Variants in NCAN observed in about 807,000 individuals in gnomAD.
NCAN encodes neurocan core protein.
Under a neutral mutation model 121.8 loss-of-function variants are expected in NCAN, and 47 were observed. The ratio of observed to expected loss-of-function variants is 0.39; its 90% CI spans 0.31 to 0.49. The LOEUF is 0.49. NCAN is among the 20% of genes least tolerant of loss of function. The pLI is 0.92. For synonymous variants in NCAN, 633 were observed against 702.0 expected, an observed-to-expected ratio of 0.90 and a Z score of 1.55; for missense variants, 1,517 against 1,773.4, an observed-to-expected ratio of 0.86 and a Z score of 2.60.
chr19:19,249,637 G>A lies in NCAN; in HGVS notation c.3821-129G>A, dbSNP rs1017777718. Reference sequence around the variant, plus strand: ...CCACTTTGGCCTCCCAAAGTGCTGGGATGACAGGGATGAGCCCTCGCGTCT... The same window carrying A: ...CCACTTTGGCCTCCCAAAGTGCTGGAATGACAGGGATGAGCCCTCGCGTCT... On this transcript the variant is annotated intron_variant, in intron 14 of 14. Coordinates refer to ENST00000252575, the MANE Select transcript of NCAN (RefSeq NM_004386.3). 6.4e-6 allele frequency: 9 copies of A among 1,396,776 alleles called. No individual in the cohort carries two copies. In the African/African-American group the frequency reaches 1.0e-4, roughly 16 times the overall value. The allele number at this position is 1,396,776 out of a possible 1,614,324, so 86.5% of individuals were successfully genotyped here.
chr19:19,241,325 G>A (rs956428512), intron 12 of NCAN, among the ~76,000 whole-genome samples: 1 of 151,986 alleles, frequency 6.6e-6, no homozygotes, highest in Non-Finnish European at 1.5e-5. Context: ...CACTTTGGGA[G>A]ACTGAGTGAG....
chr19:19,238,635 T>C, intron 11 of NCAN: 3 of 585,638 alleles, frequency 5.1e-6, no homozygotes, highest in Non-Finnish European at 9.2e-6. Context: ...AAATATTTAC[T>C]GAGCACCTGC....
rs1052940844 is a variant in NCAN, at chr19:19,212,290, G to A, written c.-8+226G>A. ...GGAGGAAGGTTGTCCGCGGAATCCG[G>A]AGACTACCCCCCGGTGGGGAGGGGG... is the stretch of plus-strand genomic sequence containing the variant. On this transcript the variant is annotated intron_variant, in intron 1 of 14. Coordinates refer to ENST00000252575, the MANE Select transcript of NCAN (RefSeq NM_004386.3). This position sits in a 1 kb window ranked among gnomAD's most constrained non-coding sequence, Gnocchi z 4.5. Among the ~76,000 whole-genome samples, 2 of 151,618 alleles carry A rather than the reference G, an allele frequency of 1.3e-5. No homozygotes were observed. Among genetic ancestry groups the A allele is most frequent in the Non-Finnish European group, 2.9e-5 (2 of 67,820 alleles).
chr19:19,231,901 C>A lies in NCAN; in HGVS notation c.3020-1888C>A, dbSNP rs937568179. ...GTGCTGAGGTGGGAGGACCGCTTGA[C>A]CCTGGGAGGTTGCAGCTGCAGTGAG... On this transcript the variant is annotated intron_variant, in intron 8 of 14. Coordinates refer to ENST00000252575, the MANE Select transcript of NCAN (RefSeq NM_004386.3). Among the ~76,000 whole-genome samples, 14 of 151,934 alleles carry A rather than the reference C, an allele frequency of 9.2e-5. No homozygotes were observed. The East Asian group carries it at 2.2e-3, about 23-fold the overall frequency.
intron 8 of NCAN, among the ~76,000 whole-genome samples, 154 bp from the exon 9 acceptor site, chr19:19,233,635 G>C (rs2060869794): frequency 6.6e-6 from 1 of 152,194 alleles, no homozygotes; most frequent in African/African-American, 2.4e-5. Context: ...GGGGTCATAT[G>C]GGAGGGAGTT....
chr19:19,213,559 C>T (rs985781316), intron 1 of NCAN, among the ~76,000 whole-genome samples: 6 of 151,110 alleles, frequency 4.0e-5, no homozygotes, highest in African/African-American at 9.8e-5. Flanking sequence ...GAAGACACGC[C>T]GCCTGTCTTG....
chr19:19,230,715 C>CTTT (rs5827437), intron 8 of NCAN, among the ~76,000 whole-genome samples: 1 of 127,800 alleles, frequency 7.8e-6, no homozygotes, highest in Non-Finnish European at 1.6e-5. Context: ...GGGGTGGGAT[C>CTTT]TTTTTTTTTT....
Position 19,240,619 on chromosome 19 carries a change from C to T in NCAN, c.3426C>T (p.Asn1142=), listed in dbSNP as rs1212643156. Residue 1142 remains asparagine, a synonymous_variant, in exon 12 of 15, where the codon AAC becomes AAT. Coordinates refer to ENST00000252575, the MANE Select transcript of NCAN (RefSeq NM_004386.3). ...HSFINSFGHE[N]TWIGLNDRIV... is the part of the protein sequence containing the mutation. The stretch of plus-strand genomic sequence containing the variant: ...ACCCTGCAGGCTTTGGGCATGAAAA[C>T]ACGTGGATCGGCCTGAACGACAGGA... 1.9e-6 allele frequency: 3 copies of T among 1,614,100 alleles called. No individual in the cohort carries two copies. Among genetic ancestry groups the T allele is most frequent in the Middle Eastern group, 1.6e-4 (1 of 6,062 alleles).
At chr19:19,230,224 T>C (rs2146545778) in intron 8 of NCAN, among the ~76,000 whole-genome samples, 2 of 152,030 alleles carry the variant, frequency 1.3e-5, no homozygotes, top group Admixed American at 1.3e-4. Context: ...TTTGTATTTT[T>C]AGTAGAGACA....
At position 19,227,372 on chromosome 19, in the gene NCAN, C is replaced by G. The variant is rs201511416; in HGVS notation, c.1752C>G (p.Val584=). The part of the protein sequence containing the change: ...PSISGHSRAP[V]LELEKAEGPS... The stretch of plus-strand genomic sequence containing the variant: ...TCTCAGGCCACAGCAGGGCCCCTGT[C>G]CTGGAGCTAGAGAAAGCCGAGGGCC... The change falls in exon 8 of 15, where the codon GTC becomes GTG. Residue 584 remains valine, a synonymous_variant. Coordinates refer to ENST00000252575, the MANE Select transcript of NCAN (RefSeq NM_004386.3). This position sits in a 1 kb window ranked among gnomAD's most constrained non-coding sequence, Gnocchi z 4.2. 8.7e-6 allele frequency: 14 copies of G among 1,613,592 alleles called. No individual in the cohort carries two copies. In the South Asian group the frequency reaches 1.4e-4, roughly 16 times the overall value.
Position 19,224,307 on chromosome 19 carries a change from TATCCTATCA to T in NCAN, c.653_661del (p.Tyr218_Thr221delinsSer). 1 of 1,613,146 alleles carries T rather than the reference TATCCTATCA, an allele frequency of 6.2e-7. No individual in the cohort carries two copies. The highest frequency in any genetic ancestry group is 8.5e-7 in the Non-Finnish European group (1 of 1,179,290). ...GGGACCCTCCCCTTGTGTTGTCAGG[TATCCTATCA>T]CCCAGTCCCGTCCTGGTTGCTATGG... On this transcript the variant is annotated inframe_deletion and splice_region_variant, in exon 5 of 15. Transcript: ENST00000252575.
rs1333875540 is a variant in NCAN at position 19,226,737 on chromosome 19, C to A, written c.1324C>A (p.Pro442Thr). Reference protein sequence around the residue: ...TPGDPMLASWPTGEVWLSTVA... With the variant: ...TPGDPMLASWTTGEVWLSTVA... Reference sequence around the variant, plus strand: ...TGGGGACCCCATGCTGGCCTCATGGCCCACTGGGGAAGTGTGGCTAAGCAC... The same window carrying A: ...TGGGGACCCCATGCTGGCCTCATGGACCACTGGGGAAGTGTGGCTAAGCAC... Residue 442 changes from proline to threonine, a missense_variant, in exon 7 of 15, where the codon CCC becomes ACC. Transcript: ENST00000252575. 2.5e-6 allele frequency: 4 copies of A among 1,612,956 alleles called. No individual in the cohort carries two copies. In the African/African-American group the frequency reaches 5.3e-5, roughly 22 times the overall value.
intron 5 of NCAN, 27 bp from the exon 6 acceptor site, chr19:19,224,950 C>T (rs967421989): frequency 2.9e-6 from 4 of 1,387,026 alleles, no homozygotes; most frequent in Admixed American, 3.3e-5. Flanking sequence ...CCCCAGCCCC[C>T]CTGACCTCCA....
chr19:19,247,190 A>G (rs753392334), intron 13 of NCAN, among the ~76,000 whole-genome samples: 14 of 151,430 alleles, frequency 9.2e-5, no homozygotes, highest in Admixed American at 1.3e-4. Flanking sequence ...GGCTCAAGTG[A>G]TACTCCTACC....
chr19:19,239,805 C>T (rs2060896291), intron 11 of NCAN, among the ~76,000 whole-genome samples: 1 of 139,900 alleles, frequency 7.1e-6, no homozygotes, highest in South Asian at 2.4e-4. Flanking sequence ...TCCACTCCTC[C>T]TCTTTTCTCC....
intron 9 of NCAN, 87 bp from the exon 10 acceptor site, chr19:19,234,896 T>C (rs2060875230): frequency 1.3e-6 from 1 of 763,636 alleles, no homozygotes. Flanking sequence ...GGTAGGACCA[T>C]GACCCCATCT....
At chr19:19,222,661 CAA>C (rs2060821103) in intron 3 of NCAN, among the ~76,000 whole-genome samples, 1 of 152,196 alleles carries the variant, frequency 6.6e-6, no homozygotes, top group African/African-American at 2.4e-5. Flanking sequence ...TAAGCCAGAG[CAA>C]AGTGTTTCAT....
chr19:19,224,037 C>A lies in NCAN; in HGVS notation c.492C>A (p.Tyr164Ter). 6.5e-7 allele frequency: 1 copy of A among 1,531,870 alleles called. No individual in the cohort carries two copies. The highest frequency in any genetic ancestry group is 8.8e-7 in the Non-Finnish European group (1 of 1,134,724). The allele number at this position is 1,531,870 out of a possible 1,614,324, so 94.9% of individuals were successfully genotyped here. ...PLEVTGVVFH[Y>*]RSARDRYALT... ...CCCCCACAGGTGTTGTGTTCCACTA[C>A]CGATCAGCCCGGGACCGCTATGCAC... Residue 164 changes from tyrosine to a stop codon, truncating the protein, a stop_gained, in exon 4 of 15, where the codon TAC (tyrosine) becomes TAA (stop). Transcript: ENST00000252575. LOFTEE classifies it high-confidence loss of function.
At chr19:19,241,281 AT>A (rs1169617649) in intron 12 of NCAN, among the ~76,000 whole-genome samples, 1 of 151,186 alleles carries the variant, frequency 6.6e-6, no homozygotes, top group Admixed American at 6.6e-5. Flanking sequence ...AAGTATATAT[AT>A]GCCAGGCTGG....
Sources: gnomAD v4.1 joint callset for allele counts (sites outside exome capture counted in the v4.1 genomes callset) on GRCh38, gnomAD v4.1.1 for gene constraint, Gnocchi (gnomAD v3.1) non-coding constraint, MANE v1.5 for transcripts, NCBI Gene and HGNC (gene_info 2026-07-23, HGNC 2026-07-21) for gene names.